DHDH: variants seen among roughly 807,000 people sequenced by gnomAD.
DHDH encodes trans-1,2-dihydrobenzene-1,2-diol dehydrogenase.
DHDH carries 29 observed loss-of-function variants against 33.2 expected under a neutral mutation model. The observed-to-expected ratio is 0.87, with a 90% CI of 0.65 to 1.19. DHDH has a LOEUF of 1.19. Among genes scored for constraint, DHDH ranks in the 50% most tolerant of loss-of-function variants. The pLI is 0.00. For missense variants in DHDH, 431 were observed against 455.0 expected, an observed-to-expected ratio of 0.95 and a Z score of 0.48; for synonymous variants, 201 against 187.9, an observed-to-expected ratio of 1.07 and a Z score of -0.57.
chr19:48,938,072 C>T (rs1419086770), intron 3 of DHDH, among the ~76,000 whole-genome samples: 3 of 152,018 alleles, frequency 2.0e-5, no homozygotes, highest in Non-Finnish European at 2.9e-5. Flanking sequence ...CTGGGTGCTC[C>T]AAGAGGTAGA....
At chr19:48,944,624 C>T (rs867507975) in intron 6 of DHDH, 117 bp downstream of exon 6, 46 of 1,437,066 alleles carry the variant, frequency 3.2e-5, no homozygotes, top group Non-Finnish European at 3.9e-5. Context: ...TGCAGTGAGC[C>T]GAGATTGCAC....
chr19:48,933,686 A>T, upstream of DHDH: 1 of 1,608,516 alleles, frequency 6.2e-7, no homozygotes, highest in Non-Finnish European at 8.5e-7. Context: ...TCGCGCCTGG[A>T]GGGACCGAAG....
chr19:48,933,953 C>T lies in DHDH; in HGVS notation c.90+142C>T. 2 of 714,720 alleles carry T rather than the reference C, an allele frequency of 2.8e-6. 1 individual carries two copies. Among genetic ancestry groups the T allele is most frequent in the South Asian group, 3.3e-5 (2 of 60,896 alleles). 44.3% of individuals were successfully genotyped at this position (714,720 alleles called of 1,614,324 possible). A position where few individuals can be genotyped will look rare whatever the true frequency, so the allele number is the denominator to read the frequency against. Reference sequence around the variant, plus strand: ...GTCTGTTTCCTTGCTACCTCCTTCTCCATCTCTGTTCTGCAAACCTGTGGG... The same window carrying T: ...GTCTGTTTCCTTGCTACCTCCTTCTTCATCTCTGTTCTGCAAACCTGTGGG... On this transcript the variant is annotated intron_variant, in intron 1 of 6. Coordinates refer to ENST00000221403, the MANE Select transcript of DHDH (RefSeq NM_014475.4).
Position 48,940,627 on chromosome 19 carries a change from G to A in DHDH, c.619+926G>A, listed in dbSNP as rs149074915. Among the ~76,000 whole-genome samples the A allele has an allele frequency of 3.0e-3, 463 of 152,034 alleles. 1 individual carries two copies. The highest frequency in any genetic ancestry group is 5.4e-3 in the Non-Finnish European group (367 of 67,972). Reference sequence around the variant, plus strand: ...CCAGCACTTTGGGAGGCTGAGGTGCGCGGATCACTTGAGGCCAGGAGTTCA... The same window carrying A: ...CCAGCACTTTGGGAGGCTGAGGTGCACGGATCACTTGAGGCCAGGAGTTCA... On this transcript the variant is annotated intron_variant, in intron 4 of 6. Coordinates refer to ENST00000221403, the MANE Select transcript of DHDH (RefSeq NM_014475.4).
upstream of DHDH, chr19:48,933,660 G>A: frequency 6.6e-7 from 1 of 1,510,630 alleles, no homozygotes; most frequent in Non-Finnish European, 9.2e-7. Flanking sequence ...GGTGGGCGGG[G>A]CGTCAGGTAC....
intron 4 of DHDH, among the ~76,000 whole-genome samples, chr19:48,941,730 G>C (rs2037864145): frequency 6.7e-6 from 1 of 149,380 alleles, no homozygotes; most frequent in African/African-American, 2.5e-5. Flanking sequence ...GCTGAGTGCA[G>C]TGGCACAATC....
At chr19:48,944,784 G>A (rs202096692) in intron 6 of DHDH, 40 bp from the exon 7 acceptor site, 73 of 1,552,892 alleles carry the variant, frequency 4.7e-5, no homozygotes, top group African/African-American at 1.8e-4. Flanking sequence ...GGTCTTGGGC[G>A]CGTGGGTAGG....
chr19:48,941,668 C>A (rs1378713329), intron 4 of DHDH, among the ~76,000 whole-genome samples: 1 of 150,400 alleles, frequency 6.6e-6, no homozygotes, highest in Non-Finnish European at 1.5e-5. Context: ...CAGGCATGAA[C>A]CACCGGCTTT....
At position 48,939,688 on chromosome 19, in the gene DHDH, G is replaced by A; in HGVS notation, c.606G>A (p.Arg202=). Residue 202 remains arginine (R), a synonymous_variant, in exon 4 of 7, where the codon AGG becomes AGA. Transcript: ENST00000221403. ...CAGAGAAGATTTCTGTCGTGGGAAG[G>A]CGTCATGAAACAGGTACCATCTATC... ...QKPEKISVVG[R]RHETGVDDTV... 2.5e-6 allele frequency: 4 copies of A among 1,601,268 alleles called. No individual in the cohort carries two copies. Among genetic ancestry groups the A allele is most frequent in the Middle Eastern group, 3.3e-4 (2 of 6,024 alleles).
chr19:48,939,726 A>T, intron 4 of DHDH, 25 bp downstream of exon 4: 1 of 1,562,898 alleles, frequency 6.4e-7, no homozygotes, highest in Non-Finnish European at 8.7e-7. Context: ...GGAATATTTC[A>T]TGGTGATGGG....
intron 3 of DHDH, among the ~76,000 whole-genome samples, chr19:48,938,387 G>A (rs1235276002): frequency 1.3e-5 from 2 of 152,118 alleles, no homozygotes; most frequent in Non-Finnish European, 2.9e-5. Flanking sequence ...ATGAGCCACA[G>A]CGCCCAGCCC....
At chr19:48,944,333 G>A in intron 5 of DHDH, 24 bp from the exon 6 acceptor site, 1 of 1,613,080 alleles carries the variant, frequency 6.2e-7, no homozygotes, top group African/African-American at 1.3e-5. Context: ...GAAGGCAGCA[G>A]TGCCACTTCT....
At chr19:48,941,603 G>A (rs1051057603) in intron 4 of DHDH, among the ~76,000 whole-genome samples, 10 of 151,150 alleles carry the variant, frequency 6.6e-5, no homozygotes, top group East Asian at 3.9e-4. Flanking sequence ...GGCTGGTCTC[G>A]ACCTCCTGGG....
intron 5 of DHDH, among the ~76,000 whole-genome samples, chr19:48,943,727 G>A (rs931531433): frequency 2.0e-5 from 3 of 152,018 alleles, no homozygotes; most frequent in Admixed American, 2.0e-4. Flanking sequence ...TCAGGAGGCT[G>A]AGGCAGGAGA....
intron 2 of DHDH, 131 bp downstream of exon 2, chr19:48,935,242 AG>A: frequency 1.5e-6 from 1 of 650,734 alleles, no homozygotes. Context: ...TTTGGCTGGG[AG>A]GAGAACTATA....
Position 48,936,145 on chromosome 19 carries a change from G to A in DHDH, c.316G>A (p.Val106Ile). The change falls in exon 3 of 7, where the codon GTT becomes ATT. Residue 106 changes from valine (V) to isoleucine (I), a missense_variant. Val to Ile is a conservative substitution (Grantham distance 29). Transcript: ENST00000221403. ...GCCCACGGGCGTGAACGCGGCGGAAGTTCGCGAGATGGTCGCGGAGGCCCG... is the reference window on the plus strand; with the variant it reads ...GCCCACGGGCGTGAACGCGGCGGAAATTCGCGAGATGGTCGCGGAGGCCCG... ...EKPTGVNAAE[V>I]REMVAEARSR... The A allele has an allele frequency of 6.2e-7, 1 of 1,608,822 alleles. No homozygotes were observed. The highest frequency in any genetic ancestry group is 8.5e-7 in the Non-Finnish European group (1 of 1,178,376).
Position 48,936,043 on chromosome 19 carries a change from A to G in DHDH, c.214A>G (p.Ile72Val), listed in dbSNP as rs760301358. ...AKDPSVEVAY[I>V]GTQHPQHKAA... is the part of the protein sequence containing the mutation. ...TACTCCCACCCTAGAGGTGGCCTAC[A>G]TTGGCACCCAGCACCCCCAGCACAA... The change falls in exon 3 of 7, where the codon ATT becomes GTT. Residue 72 changes from isoleucine (I) to valine (V), a missense_variant. By Grantham distance (29) the Ile-to-Val change is conservative (BLOSUM62 3). Coordinates refer to ENST00000221403, the MANE Select transcript of DHDH (RefSeq NM_014475.4). The G allele has an allele frequency of 6.6e-5, 105 of 1,602,856 alleles. No individual in the cohort carries two copies. The highest frequency in any genetic ancestry group is 8.7e-5 in the Non-Finnish European group (102 of 1,175,950).
chr19:48,933,858 A>T, intron 1 of DHDH, 47 bp downstream of exon 1: 2 of 1,570,956 alleles, frequency 1.3e-6, no homozygotes, highest in Non-Finnish European at 1.7e-6. Context: ...GGGGGGCGGG[A>T]CTCCAGAGTC....
chr19:48,944,640 C>A, intron 6 of DHDH, 133 bp downstream of exon 6: 1 of 1,367,096 alleles, frequency 7.3e-7, no homozygotes, highest in Non-Finnish European at 1.0e-6. Flanking sequence ...TGCACCACTG[C>A]ACTCCAGCCT....
Sources: allele counts gnomAD v4.1 joint callset (sites outside exome capture counted in the v4.1 genomes callset), GRCh38; gene constraint gnomAD v4.1.1; transcripts MANE v1.5; gene names NCBI Gene and HGNC (gene_info 2026-07-23, HGNC 2026-07-21).